CFH: variants seen among roughly 807,000 people sequenced by gnomAD.
CFH encodes complement factor H.
A neutral mutation model predicts 147.3 loss-of-function variants in CFH; 53 were observed. The ratio of observed to expected loss-of-function variants is 0.36; its 90% confidence interval spans 0.29 to 0.45. The LOEUF is 0.45. Ranked by LOEUF, CFH falls within the 20% of genes least tolerant of loss-of-function variation. The pLI is 1.00. For synonymous variants in CFH, 536 were observed against 489.4 expected, an observed-to-expected ratio of 1.10 and a Z score of -1.26; for missense variants, 1,380 against 1,498.0, an observed-to-expected ratio of 0.92 and a Z score of 1.30.
chr1:196,681,382 A>G (rs890438505), intron 6 of CFH, among the ~76,000 whole-genome samples: 5 of 151,562 alleles, frequency 3.3e-5, no homozygotes, highest in Non-Finnish European at 5.9e-5. Context: ...TCCTTAGCAC[A>G]TATTTGTTTT....
chr1:196,665,796 G>A (rs906780144), intron 1 of CFH, among the ~76,000 whole-genome samples: 19 of 152,080 alleles, frequency 1.2e-4, no homozygotes, highest in East Asian at 3.9e-4. Context: ...TAGTAGAGAC[G>A]GGGTTTCGAC....
chr1:196,662,378 C>T (rs757081592), intron 1 of CFH, among the ~76,000 whole-genome samples: 9 of 152,262 alleles, frequency 5.9e-5, no homozygotes, highest in Middle Eastern at 6.8e-3. Flanking sequence ...GGTGTATACA[C>T]ATACATGTTT....
In CFH at chr1:196,737,038, C is replaced by A. The variant is rs372456626; in HGVS notation, c.2596+32C>A. 5.1e-6 allele frequency: 8 copies of A among 1,559,960 alleles called. No homozygotes were observed. In the African/African-American group the frequency reaches 5.4e-5, roughly 11 times the overall value. On this transcript the variant is annotated intron_variant, in intron 16 of 21. Transcript: ENST00000367429. ...AGTGTATAATTTGTTTTACATAATT[C>A]TTTCAAATGAGGTTAATATTCTCTT... is the stretch of plus-strand genomic sequence containing the variant.
intron 15 of CFH, among the ~76,000 whole-genome samples, chr1:196,731,934 T>C (rs1268538330): frequency 6.6e-6 from 1 of 152,062 alleles, no homozygotes; most frequent in East Asian, 1.9e-4. Flanking sequence ...CTATAACTTT[T>C]GATAATTTGA....
At chr1:196,740,564 A>C in intron 17 of CFH, 55 bp from the exon 18 acceptor site, 1 of 1,516,984 alleles carries the variant, frequency 6.6e-7, no homozygotes, top group Non-Finnish European at 9.1e-7. Context: ...TAAAACAGGC[A>C]TATAAAATTA....
At chr1:196,665,448 A>T (rs1667049291) in intron 1 of CFH, among the ~76,000 whole-genome samples, 1 of 151,588 alleles carries the variant, frequency 6.6e-6, no homozygotes, top group Non-Finnish European at 1.5e-5. Flanking sequence ...GCAGATAATT[A>T]AAAAATTATA....
At chr1:196,693,106 A>G (rs1668122531) in intron 9 of CFH, among the ~76,000 whole-genome samples, 1 of 151,980 alleles carries the variant, frequency 6.6e-6, no homozygotes, top group Non-Finnish European at 1.5e-5. Flanking sequence ...TTATATTTTC[A>G]TGTACAGTCA....
chr1:196,726,319 TA>T, intron 12 of CFH, 150 bp from the exon 13 acceptor site: 2 of 649,832 alleles, frequency 3.1e-6, no homozygotes, highest in East Asian at 5.5e-5. Flanking sequence ...AGTAATACAA[TA>T]TGAACACCAT....
chr1:196,687,359 A>G (rs936586312), intron 7 of CFH, among the ~76,000 whole-genome samples: 1 of 152,094 alleles, frequency 6.6e-6, no homozygotes, highest in African/African-American at 2.4e-5. Context: ...CAAGGAATCA[A>G]TTTGTAAAAG....
chr1:196,735,523 T>C (rs147509007), intron 15 of CFH, among the ~76,000 whole-genome samples: 1 of 152,206 alleles, frequency 6.6e-6, no homozygotes, highest in Admixed American at 6.6e-5. Flanking sequence ...AATTAAATAA[T>C]AATGATTGTG....
At chr1:196,718,657 C>T (rs1426320725) in intron 11 of CFH, among the ~76,000 whole-genome samples, 2 of 151,996 alleles carry the variant, frequency 1.3e-5, no homozygotes. Context: ...GAAGCTTTTA[C>T]AATTTTGAGG....
chr1:196,655,282 T>C (rs2149065867), intron 1 of CFH, among the ~76,000 whole-genome samples: 1 of 152,198 alleles, frequency 6.6e-6, no homozygotes, highest in East Asian at 1.9e-4. Flanking sequence ...GATCTGCTGG[T>C]TGAAGTGCTA....
Position 196,707,642 on chromosome 1 carries a change from C to A in CFH, c.1337-6093C>A, listed in dbSNP as rs118086763. Among the ~76,000 whole-genome samples the A allele has an allele frequency of 7.3e-4, 111 of 152,314 alleles. 2 individuals are homozygous for A. In the East Asian group the frequency reaches 0.021, roughly 28 times the overall value. ...CATATAAAACCCGCCCCGCCAGATT[C>A]TTGTCCTATCAAGAAATGTAGAGAG... On this transcript the variant is annotated intron_variant, in intron 9 of 21. Coordinates refer to ENST00000367429, the MANE Select transcript of CFH (RefSeq NM_000186.4).
chr1:196,700,783 A>T (rs1668428519), intron 9 of CFH: 2 of 981,006 alleles, frequency 2.0e-6, no homozygotes, highest in South Asian at 9.4e-5. Flanking sequence ...CTGCTTAGTT[A>T]TGATGAACTA....
intron 9 of CFH, among the ~76,000 whole-genome samples, chr1:196,693,189 C>A (rs1668125624): frequency 6.6e-6 from 1 of 151,794 alleles, no homozygotes; most frequent in Non-Finnish European, 1.5e-5. Flanking sequence ...TGAGAATATG[C>A]AGAAAAAATT....
At chr1:196,722,674 GT>G (rs566665879) in intron 11 of CFH, among the ~76,000 whole-genome samples, 1 of 152,000 alleles carries the variant, frequency 6.6e-6, no homozygotes, top group African/African-American at 2.4e-5. Flanking sequence ...CCTCAAAAAG[GT>G]TTTTTTAGCT....
intron 11 of CFH, 94 bp from the exon 12 acceptor site, chr1:196,725,027 C>A: frequency 1.9e-6 from 2 of 1,032,412 alleles, no homozygotes; most frequent in South Asian, 2.9e-5. Context: ...TCTGTATGAC[C>A]CAATATCAAC....
At chr1:196,670,811 G>A (rs1558153232) in intron 1 of CFH, among the ~76,000 whole-genome samples, 1 of 152,082 alleles carries the variant, frequency 6.6e-6, no homozygotes, top group African/African-American at 2.4e-5. Flanking sequence ...GGGGTTTTTA[G>A]AAATTTTGAT....
At chr1:196,672,794 G>A (rs1667326497) in intron 1 of CFH, among the ~76,000 whole-genome samples, 184 bp from the exon 2 acceptor site, 1 of 151,988 alleles carries the variant, frequency 6.6e-6, no homozygotes, top group South Asian at 2.1e-4. Flanking sequence ...GAAATGTATA[G>A]TTACACTACA....
Sources: gnomAD v4.1 joint callset for allele counts (sites outside exome capture counted in the v4.1 genomes callset) on GRCh38, gnomAD v4.1.1 for gene constraint, MANE v1.5 for transcripts, NCBI Gene and HGNC (gene_info 2026-07-23, HGNC 2026-07-21) for gene names.